The following SPACA6 variants were observed in gnomAD, a reference collection of about 807,000 sequenced individuals.
The protein encoded by SPACA6 is sperm acrosome associated 6.
For missense variants in SPACA6, 8 were observed against 2.8 expected, an observed-to-expected ratio of 2.88 and a Z score of -1.34; for synonymous variants, 6 against 1.5, an observed-to-expected ratio of 4.05 and a Z score of -2.21.
upstream of SPACA6, chr19:51,687,286 CATACATACATACATACATAA>C (rs1044837794): frequency 2.1e-5 from 3 of 144,630 alleles, no homozygotes; most frequent in African/African-American, 5.0e-5. Context: ...TACATACATA[CATACATACATACATACATAA>C]GCAAATCTGT....
At chr19:51,705,323 G>A (rs1488766145), downstream of SPACA6, 5 of 383,208 alleles carry the variant, frequency 1.3e-5, no homozygotes. Flanking sequence ...AAGTTAGGTG[G>A]GAACCCAGAT....
chr19:51,705,023 G>GA (rs1568620889), intron 8 of SPACA6, 67 bp from the exon 9 acceptor site: 1 of 249,138 alleles, frequency 4.0e-6, no homozygotes, highest in Non-Finnish European at 6.3e-6. Flanking sequence ...CTGGTGTCCA[G>GA]GCTCCGGGAC....
chr19:51,708,394 A>T (rs2083526077), downstream of SPACA6, among the ~76,000 whole-genome samples: 1 of 152,254 alleles, frequency 6.6e-6, no homozygotes, highest in Non-Finnish European at 1.5e-5. Context: ...TGTGATGGAG[A>T]AGATAAGCAG....
At chr19:51,705,706 A>ATTTTAT (rs61529733), downstream of SPACA6, among the ~76,000 whole-genome samples, 40,025 of 150,214 alleles carry the variant, frequency 0.27, 5,714 homozygotes, top group African/African-American at 0.37. Flanking sequence ...ATTTTATTTT[A>ATTTTAT]TTTTTTTGGA....
At chr19:51,700,128 C>A (rs1453875584) in intron 2 of SPACA6, among the ~76,000 whole-genome samples, 2 of 152,114 alleles carry the variant, frequency 1.3e-5, no homozygotes, top group Non-Finnish European at 2.9e-5. Flanking sequence ...GTGGTGGGTG[C>A]CTGTAATCCT....
chr19:51,688,475 T>C (rs2083339093), upstream of SPACA6: 1 of 152,356 alleles, frequency 6.6e-6, no homozygotes, highest in Admixed American at 6.5e-5. Context: ...GCTGGCTCTG[T>C]CTCTTCCATC....
intron 3 of SPACA6, among the ~76,000 whole-genome samples, chr19:51,701,956 CATCTA>C (rs796438487): frequency 1.1e-4 from 17 of 152,316 alleles, no homozygotes; most frequent in African/African-American, 4.1e-4. Flanking sequence ...CTTGTAATCT[CATCTA>C]CTCAGGAGGC....
chr19:51,685,222 T>G (rs1270075443), upstream of SPACA6: 2 of 152,176 alleles, frequency 1.3e-5, no homozygotes, highest in Non-Finnish European at 2.9e-5. Context: ...ATAGTGGAAC[T>G]TGAGTTTCAG....
At chr19:51,690,927 A>G (rs1031205800), upstream of SPACA6, among the ~76,000 whole-genome samples, 4 of 151,588 alleles carry the variant, frequency 2.6e-5, no homozygotes, top group African/African-American at 7.3e-5. Flanking sequence ...GGGCGGGGGC[A>G]GCCTCCTCCC....
intron 2 of SPACA6, among the ~76,000 whole-genome samples, chr19:51,696,983 G>A (rs2083435242): frequency 6.6e-6 from 1 of 152,102 alleles, no homozygotes; most frequent in African/African-American, 2.4e-5. Context: ...TAGACAGGGG[G>A]TTCTCAAGCC....
intron 2 of SPACA6, among the ~76,000 whole-genome samples, chr19:51,711,652 T>C (rs555635438): frequency 7.2e-5 from 11 of 152,294 alleles, no homozygotes; most frequent in Admixed American, 1.3e-4. Context: ...GTCCATCAAC[T>C]GATAAATACA....
At chr19:51,684,198 T>TA (rs1394792462), upstream of SPACA6, among the ~76,000 whole-genome samples, 1 of 152,054 alleles carries the variant, frequency 6.6e-6, no homozygotes, top group Non-Finnish European at 1.5e-5. Context: ...GTGGGTTACT[T>TA]AAAGGAAAGA....
chr19:51,690,651 C>G (rs1879914142), upstream of SPACA6, among the ~76,000 whole-genome samples: 1 of 152,116 alleles, frequency 6.6e-6, no homozygotes, highest in African/African-American at 2.4e-5. Flanking sequence ...TACCCCTTCC[C>G]CAAAGCGGGG....
chr19:51,689,042 G>A (rs2083345607), upstream of SPACA6: 2 of 152,864 alleles, frequency 1.3e-5, no homozygotes, highest in African/African-American at 2.4e-5. Flanking sequence ...GGGGCGGAGA[G>A]GCGGAGGGGA....
intron 2 of SPACA6, among the ~76,000 whole-genome samples, chr19:51,698,160 T>C (rs1367612909): frequency 6.6e-6 from 1 of 152,132 alleles, no homozygotes; most frequent in Admixed American, 6.5e-5. Context: ...GTGAAGTCAC[T>C]TGGCCAAGGT....
chr19:51,693,135 C>G, upstream of SPACA6: 1 of 414,002 alleles, frequency 2.4e-6, no homozygotes, highest in South Asian at 2.1e-5. Context: ...CCCGATATCT[C>G]TCTGTGTCTC....
chr19:51,691,022 T>TGA (rs1555792131), upstream of SPACA6, among the ~76,000 whole-genome samples: 3 of 150,732 alleles, frequency 2.0e-5, no homozygotes, highest in Non-Finnish European at 3.0e-5. Flanking sequence ...GGAAGAGAGC[T>TGA]GGCCGTAGAC....
upstream of SPACA6, chr19:51,685,551 T>C (rs894155210): frequency 5.9e-5 from 9 of 152,228 alleles, no homozygotes; most frequent in African/African-American, 2.2e-4. Flanking sequence ...TTTTGTTTGT[T>C]TTAAGACAGG....
chr19:51,704,135 G>T lies in SPACA6; in HGVS notation c.679G>T (p.Val227Leu), dbSNP rs2083493625. The change falls in exon 7 of 9, where the codon GTG (valine) becomes TTG (leucine). Residue 227 changes from valine to leucine, a missense_variant. Val to Leu is a conservative substitution (Grantham distance 32, BLOSUM62 1). Coordinates refer to ENST00000637797, the MANE Select transcript of SPACA6 (RefSeq NM_001316972.2). ...CACGCACCGCGGGACGTTCTCCTGCGTGATCAAGCAAGACCAGCGCCCCCT... is the reference window on the plus strand; with the variant it reads ...CACGCACCGCGGGACGTTCTCCTGCTTGATCAAGCAAGACCAGCGCCCCCT... ...QLTHRGTFSC[V>L]IKQDQRPLAR... is the part of the protein sequence containing the mutation. 2.5e-6 allele frequency: 1 copy of T among 401,198 alleles called. No homozygotes were observed. The highest frequency in any genetic ancestry group is 1.3e-4 in the South Asian group (1 of 7,964). The allele number at this position is 401,198 out of a possible 1,614,324, so 24.9% of individuals were successfully genotyped here.
Sources: gnomAD v4.1 joint callset for allele counts (sites outside exome capture counted in the v4.1 genomes callset) on GRCh38, gnomAD v4.1.1 for gene constraint, MANE v1.5 for transcripts, NCBI Gene and HGNC (gene_info 2026-07-23, HGNC 2026-07-21) for gene names.